The following IRF6 variants were observed in gnomAD, a reference collection of about 807,000 sequenced individuals.
The protein encoded by IRF6 is Van der Woude syndrome.
IRF6 carries 6 observed loss-of-function variants against 51.4 expected under a neutral mutation model. The ratio of observed to expected loss-of-function variants is 0.12; its 90% CI spans 0.06 to 0.23. The LOEUF (loss-of-function observed/expected upper bound fraction) is 0.23. Among genes scored for constraint, IRF6 ranks in the 10% least tolerant of loss-of-function variants. IRF6 has a pLI of 1.00. For synonymous variants in IRF6, 178 were observed against 215.7 expected, an observed-to-expected ratio of 0.83 and a Z score of 1.53; for missense variants, 348 against 585.2, an observed-to-expected ratio of 0.59 and a Z score of 4.18.
At position 209,798,040 on chromosome 1, in the gene IRF6, G is replaced by A. The variant is rs116142700; in HGVS notation, c.175-1488C>T. On this transcript the variant is annotated intron_variant, in intron 3 of 8. Transcript: ENST00000367021. ...TTGAGAGCTCTGATCTCCTTCAGTC[G>A]CCCCCTGAAGAACCTCACAGGCATG... Among the ~76,000 whole-genome samples the A allele has an allele frequency of 1.8e-3, 269 of 152,124 alleles. 1 individual carries two copies. The highest frequency in any genetic ancestry group is 3.3e-3 in the Non-Finnish European group (222 of 67,978).
At chr1:209,799,155 C>T (rs2077924106) in intron 3 of IRF6, among the ~76,000 whole-genome samples, 1 of 152,166 alleles carries the variant, frequency 6.6e-6, no homozygotes, top group South Asian at 2.1e-4. Flanking sequence ...AGACTAATTT[C>T]ATCCCCATTT....
intron 3 of IRF6, among the ~76,000 whole-genome samples, chr1:209,800,893 T>C (rs2077936825): frequency 6.6e-6 from 1 of 152,224 alleles, no homozygotes; most frequent in Non-Finnish European, 1.5e-5. Flanking sequence ...AGCAACTCTC[T>C]GCATAGCAAG....
chr1:209,799,220 C>G (rs1014734164), intron 3 of IRF6, among the ~76,000 whole-genome samples: 2 of 152,118 alleles, frequency 1.3e-5, no homozygotes, highest in African/African-American at 4.8e-5. Flanking sequence ...GCTACACATG[C>G]AGTTGACGGT....
chr1:209,788,911 C>T (rs930420945), intron 8 of IRF6, among the ~76,000 whole-genome samples: 2 of 152,212 alleles, frequency 1.3e-5, no homozygotes, highest in African/African-American at 4.8e-5. Context: ...AGACTTTTTA[C>T]AAAATATCAT....
chr1:209,799,182 G>A (rs2077924538), intron 3 of IRF6, among the ~76,000 whole-genome samples: 1 of 152,156 alleles, frequency 6.6e-6, no homozygotes, highest in Non-Finnish European at 1.5e-5. Context: ...AGGGAGAGCT[G>A]AAGCCCAGAG....
intron 1 of IRF6, among the ~76,000 whole-genome samples, chr1:209,803,867 T>G (rs1055689802): frequency 6.8e-5 from 9 of 132,756 alleles, no homozygotes; most frequent in African/African-American, 2.3e-4. Context: ...TATGAAGTTG[T>G]GGGGGCAGGG....
rs763320567 is a variant in IRF6, at chr1:209,795,260, G to T, written c.508+30C>A. 6 of 1,613,164 alleles carry T rather than the reference G, an allele frequency of 3.7e-6. No individual in the cohort carries two copies. The Middle Eastern group carries it at 5.0e-4, about 133-fold the overall frequency. On this transcript the variant is annotated intron_variant, in intron 5 of 8. Coordinates refer to ENST00000367021, the MANE Select transcript of IRF6 (RefSeq NM_006147.4). Reference sequence around the variant, plus strand: ...TCAAAACTCCTTACATCCTCCATATGTCTCTGTACCACCCATCATCCCCAC... The same window carrying T: ...TCAAAACTCCTTACATCCTCCATATTTCTCTGTACCACCCATCATCCCCAC...
rs1467335932 is a variant in IRF6 at position 209,795,390 on chromosome 1, C to T, written c.408G>A (p.Glu136=). Residue 136 remains glutamate (E), a synonymous_variant, in exon 5 of 9, where the codon GAG becomes GAA. Transcript: ENST00000367021. ...CTTCTTCATCCACATCATTATCCTT[C>T]TCATCCCAGGGAGCAGACCCTGTGG... ...PGSTGSAPWD[E]KDNDVDEEDE... 1.2e-6 allele frequency: 2 copies of T among 1,614,076 alleles called. No individual in the cohort carries two copies. The highest frequency in any genetic ancestry group is 3.3e-5 in the Admixed American group (2 of 60,006).
At chr1:209,797,370 CAAAAA>C (rs11418099) in intron 3 of IRF6, among the ~76,000 whole-genome samples, 9 of 48,592 alleles carry the variant, frequency 1.9e-4, no homozygotes, top group East Asian at 8.8e-4. Context: ...AACTTCATCT[CAAAAA>C]AAAAAAAAAA....
chr1:209,794,912 C>G (rs2077891455), intron 5 of IRF6, among the ~76,000 whole-genome samples: 1 of 152,148 alleles, frequency 6.6e-6, no homozygotes, highest in South Asian at 2.1e-4. Flanking sequence ...AGAATTTATA[C>G]CAAGGGAAAT....
chr1:209,798,252 A>AC (rs1334691908), intron 3 of IRF6, among the ~76,000 whole-genome samples: 1 of 152,040 alleles, frequency 6.6e-6, no homozygotes, highest in East Asian at 1.9e-4. Context: ...ATTCTATCCA[A>AC]CCCCCTACGG....
intron 3 of IRF6, among the ~76,000 whole-genome samples, chr1:209,799,806 T>C (rs1205270539): frequency 6.6e-6 from 1 of 152,272 alleles, no homozygotes; most frequent in African/African-American, 2.4e-5. Flanking sequence ...TGCTGGTTTA[T>C]AGGTACTAAC....
chr1:209,797,444 G>A (rs572473858), intron 3 of IRF6, among the ~76,000 whole-genome samples: 1 of 151,684 alleles, frequency 6.6e-6, no homozygotes, highest in Non-Finnish European at 1.5e-5. Context: ...ACACACTGGG[G>A]GTTCAGCTTG....
chr1:209,794,831 A>G (rs1331523143), intron 5 of IRF6, among the ~76,000 whole-genome samples: 2 of 152,238 alleles, frequency 1.3e-5, no homozygotes, highest in African/African-American at 4.8e-5. Flanking sequence ...GCCAAGTACT[A>G]TCAGCTACAG....
At chr1:209,800,344 A>C (rs2077932884) in intron 3 of IRF6, among the ~76,000 whole-genome samples, 1 of 152,256 alleles carries the variant, frequency 6.6e-6, no homozygotes, top group Admixed American at 6.5e-5. Context: ...GTTAAATAAA[A>C]TGACTGTCAT....
At chr1:209,802,260 C>A (rs2077948762) in intron 1 of IRF6, 1 of 152,222 alleles carries the variant, frequency 6.6e-6, no homozygotes, top group African/African-American at 2.4e-5. Context: ...GCTAGGACAG[C>A]CTCCTCCCTT....
chr1:209,798,135 T>A (rs58637469), intron 3 of IRF6, among the ~76,000 whole-genome samples: 25,863 of 152,216 alleles, frequency 0.17, 2,383 homozygotes, highest in African/African-American at 0.22. Context: ...TACCATCTTT[T>A]CAGATTTGGG....
At chr1:209,801,508 TAC>T in intron 2 of IRF6, 92 bp from the exon 3 acceptor site, 1 of 1,019,788 alleles carries the variant, frequency 9.8e-7, no homozygotes. Context: ...CTACTAGAGC[TAC>T]AGTTTCACTA....
Position 209,798,650 on chromosome 1 carries a change from C to G in IRF6, c.175-2098G>C, listed in dbSNP as rs553775347. ...AGGAGGCCAGGCGCGGTGGCTCATG[C>G]CTGTAATCCCAGCACTTTGGGAGGC... On this transcript the variant is annotated intron_variant, in intron 3 of 8. Coordinates refer to ENST00000367021, the MANE Select transcript of IRF6 (RefSeq NM_006147.4). Among the ~76,000 whole-genome samples the G allele has an allele frequency of 3.4e-4, 52 of 152,166 alleles. 1 individual carries two copies. The highest frequency in any genetic ancestry group is 2.4e-3 in the Admixed American group (37 of 15,292).
Sources: gnomAD v4.1 joint callset for allele counts (sites outside exome capture counted in the v4.1 genomes callset) on GRCh38, gnomAD v4.1.1 for gene constraint, MANE v1.5 for transcripts, NCBI Gene and HGNC (gene_info 2026-07-23, HGNC 2026-07-21) for gene names.